Variants in VPS52 observed in about 807,000 individuals in gnomAD.
The protein encoded by VPS52 is vacuolar protein sorting-associated protein 52 homolog.
A neutral mutation model predicts 98.7 loss-of-function variants in VPS52; 56 were observed. The observed-to-expected ratio is 0.57, with a 90% CI of 0.46 to 0.71. VPS52 has a LOEUF of 0.71. Ranked by LOEUF, VPS52 falls within the 30% of genes least tolerant of loss-of-function variation. The pLI, the probability that VPS52 is intolerant of heterozygous loss-of-function variation, is 0.00. For synonymous variants in VPS52, 348 were observed against 346.4 expected, an observed-to-expected ratio of 1.00 and a Z score of -0.05; for missense variants, 742 against 925.9, an observed-to-expected ratio of 0.80 and a Z score of 2.58.
chr6:33,262,547 A>G (rs1458341680), intron 17 of VPS52, among the ~76,000 whole-genome samples: 2 of 152,238 alleles, frequency 1.3e-5, no homozygotes, highest in East Asian at 1.9e-4. Flanking sequence ...GGAAATCAGT[A>G]CATTGAAGAG....
chr6:33,264,701 G>A, intron 13 of VPS52, 81 bp downstream of exon 13: 1 of 1,440,230 alleles, frequency 6.9e-7, no homozygotes, highest in Non-Finnish European at 9.8e-7. Context: ...CAGGTCAGTA[G>A]GAGTCTAAGG....
chr6:33,267,042 G>A lies in VPS52; in HGVS notation c.1125+146C>T. ...CCCAGCTCTTTTCACATCACAGCAG[G>A]CTGGAGTGATTGGAGAAGGCCACTC... On this transcript the variant is annotated intron_variant, in intron 11 of 19. Coordinates refer to ENST00000445902, the MANE Select transcript of VPS52 (RefSeq NM_022553.6). The surrounding 1 kb of genome is among the most constrained non-coding windows in gnomAD (Gnocchi z 4.2). The A allele has an allele frequency of 6.8e-6, 8 of 1,179,250 alleles. No individual in the cohort carries two copies. The South Asian group carries it at 1.8e-4, about 26-fold the overall frequency. The allele number at this position is 1,179,250 out of a possible 1,614,324, so 73.0% of individuals were successfully genotyped here. A position where few individuals can be genotyped will look rare whatever the true frequency, so the allele number is the denominator to read the frequency against.
chr6:33,264,561 T>TG (rs1764061229), intron 13 of VPS52, 64 bp from the exon 14 acceptor site: 1 of 1,601,558 alleles, frequency 6.2e-7, no homozygotes, highest in Admixed American at 1.7e-5. Context: ...TGGGAGGGAG[T>TG]GGGGCATCAT....
intron 17 of VPS52, among the ~76,000 whole-genome samples, chr6:33,257,012 A>G (rs548979569): frequency 6.6e-6 from 1 of 152,018 alleles, no homozygotes; most frequent in South Asian, 2.1e-4. Context: ...TTCTCTCTAT[A>G]TATTTGTTTA....
At chr6:33,253,779 A>G (rs934305606) in intron 17 of VPS52, among the ~76,000 whole-genome samples, 3 of 152,076 alleles carry the variant, frequency 2.0e-5, no homozygotes, top group African/African-American at 7.2e-5. Flanking sequence ...AATAAAAATA[A>G]CATTCTGATA....
chr6:33,261,200 G>A (rs1763590581), intron 17 of VPS52, among the ~76,000 whole-genome samples: 1 of 151,976 alleles, frequency 6.6e-6, no homozygotes, highest in Admixed American at 6.6e-5. Flanking sequence ...AGGCACGGTA[G>A]CTCACGCCTG....
At chr6:33,262,008 C>T (rs922276212) in intron 17 of VPS52, among the ~76,000 whole-genome samples, 3 of 127,512 alleles carry the variant, frequency 2.4e-5, no homozygotes, top group Admixed American at 9.5e-5. Context: ...CCATCGCACT[C>T]CAGCCTGGAC....
intron 1 of VPS52, 121 bp downstream of exon 1, chr6:33,271,465 G>T (rs961812036): frequency 1.4e-6 from 2 of 1,412,050 alleles, no homozygotes; most frequent in Middle Eastern, 1.8e-4. Context: ...GGTACGGGGA[G>T]CCAAACAGGT....
At chr6:33,269,214 G>T in intron 5 of VPS52, 25 bp from the exon 6 acceptor site, 4 of 1,612,454 alleles carry the variant, frequency 2.5e-6, no homozygotes, top group Non-Finnish European at 3.4e-6. Context: ...GATGTTGCCG[G>T]AGTGCTATAG....
At chr6:33,262,403 C>A (rs1043823536) in intron 17 of VPS52, among the ~76,000 whole-genome samples, 3 of 152,070 alleles carry the variant, frequency 2.0e-5, no homozygotes, top group Non-Finnish European at 2.9e-5. Context: ...AAAAGGGAAC[C>A]CTTATACACT....
chr6:33,262,882 G>A (rs769936612), intron 17 of VPS52, among the ~76,000 whole-genome samples: 21 of 152,274 alleles, frequency 1.4e-4, no homozygotes, highest in East Asian at 5.8e-4. Flanking sequence ...CAGAGGCTGG[G>A]AAGGCTAGTG....
chr6:33,258,997 C>T (rs920331022), intron 17 of VPS52, among the ~76,000 whole-genome samples: 10 of 152,192 alleles, frequency 6.6e-5, no homozygotes, highest in African/African-American at 1.4e-4. Context: ...ACCCCTGACC[C>T]GGCAACGGAT....
chr6:33,251,010 G>A (rs1428949923), intron 19 of VPS52, 23 bp from the exon 20 acceptor site: 1 of 1,612,906 alleles, frequency 6.2e-7, no homozygotes, highest in East Asian at 2.2e-5. Context: ...AGTCATTGAG[G>A]GATCAAACCG....
intron 2 of VPS52, 63 bp from the exon 3 acceptor site, chr6:33,270,114 C>G: frequency 1.2e-5 from 20 of 1,613,236 alleles, no homozygotes; most frequent in Non-Finnish European, 1.7e-5. Flanking sequence ...CATTGAGTAT[C>G]TGCACACCAA....
At chr6:33,259,676 C>T (rs528551310) in intron 17 of VPS52, among the ~76,000 whole-genome samples, 1 of 151,742 alleles carries the variant, frequency 6.6e-6, no homozygotes, top group African/African-American at 2.4e-5. Flanking sequence ...CAGATGCTAA[C>T]CAGTAAAAAT....
At position 33,268,930 on chromosome 6, in the gene VPS52, G is replaced by A. The variant is rs1402050184; in HGVS notation, c.548+84C>T. On this transcript the variant is annotated intron_variant, in intron 6 of 19. Transcript: ENST00000445902. This position sits in a 1 kb window ranked among gnomAD's most constrained non-coding sequence, Gnocchi z 4.0. The stretch of plus-strand genomic sequence containing the variant: ...CTAAAAAGCACTTAACCTGGAGCCA[G>A]GAGACCCATATGGTAAATAGGGTGG... The A allele has an allele frequency of 6.5e-7, 1 of 1,528,110 alleles. No individual in the cohort carries two copies. The highest frequency in any genetic ancestry group is 1.4e-5 in the African/African-American group (1 of 72,066). 94.7% of individuals were successfully genotyped at this position (1,528,110 alleles called of 1,614,324 possible). A position where few individuals can be genotyped will look rare whatever the true frequency, so the allele number is the denominator to read the frequency against.
chr6:33,263,263 CAAAA>C (rs750569619), intron 17 of VPS52, among the ~76,000 whole-genome samples: 8 of 44,414 alleles, frequency 1.8e-4, no homozygotes, highest in Non-Finnish European at 3.8e-4. Context: ...CACTTTGCCT[CAAAA>C]AAAAAAAAAA....
intron 17 of VPS52, among the ~76,000 whole-genome samples, chr6:33,259,863 G>T (rs966604048): frequency 1.3e-5 from 2 of 152,080 alleles, no homozygotes; most frequent in South Asian, 2.1e-4. Context: ...TTGCTGGTGA[G>T]AAGGAACTAC....
At position 33,268,238 on chromosome 6, in the gene VPS52, G is replaced by T; in HGVS notation, c.700-30C>A. ...ATGTGGGGAACCAAACACAGGGCAT[G>T]AAGCTGCAACCCTTTTGCTGTATGA... On this transcript the variant is annotated intron_variant, in intron 7 of 19. Transcript: ENST00000445902. This position sits in a 1 kb window ranked among gnomAD's most constrained non-coding sequence, Gnocchi z 4.0. The T allele has an allele frequency of 6.2e-7, 1 of 1,607,596 alleles. No homozygotes were observed. Among genetic ancestry groups the T allele is most frequent in the Non-Finnish European group, 8.5e-7 (1 of 1,175,252 alleles).
Sources: allele counts gnomAD v4.1 joint callset (sites outside exome capture counted in the v4.1 genomes callset), GRCh38; gene constraint gnomAD v4.1.1; non-coding constraint Gnocchi (gnomAD v3.1); transcripts MANE v1.5; gene names NCBI Gene and HGNC (gene_info 2026-07-23, HGNC 2026-07-21).